Variants in POPDC1 observed in about 807,000 individuals in gnomAD.
POPDC1 encodes popeye domain-containing protein 1.
chr6:105,126,090 G>A, the POPDC1 span, among the ~76,000 whole-genome samples: 1 of 151,976 alleles, frequency 6.6e-6, no homozygotes, highest in Non-Finnish European at 1.5e-5. Flanking sequence ...GCTGGGCGTG[G>A]TGGCATGCAC....
the POPDC1 span, among the ~76,000 whole-genome samples, chr6:105,118,597 G>A: frequency 6.6e-6 from 1 of 152,078 alleles, no homozygotes; most frequent in Non-Finnish European, 1.5e-5. Flanking sequence ...GGAGAAGGAT[G>A]ATAATTAATA....
At chr6:105,126,333 G>A in the POPDC1 span, among the ~76,000 whole-genome samples, 7 of 151,920 alleles carry the variant, frequency 4.6e-5, no homozygotes, top group Non-Finnish European at 7.4e-5. Context: ...TTGGGAGGCT[G>A]AGGTGGGAGG....
the POPDC1 span, among the ~76,000 whole-genome samples, chr6:105,122,501 GTATAT>G: frequency 6.6e-6 from 1 of 152,154 alleles, no homozygotes; most frequent in Non-Finnish European, 1.5e-5. Context: ...AGAAAAGATA[GTATAT>G]TAGTATTTCT....
At chr6:105,101,249 C>A in the POPDC1 span, 1 of 1,578,656 alleles carries the variant, frequency 6.3e-7, no homozygotes, top group Non-Finnish European at 8.6e-7. Context: ...CCACTGAATG[C>A]ACAATCTACC....
At chr6:105,125,304 C>A in the POPDC1 span, 2 of 1,447,248 alleles carry the variant, frequency 1.4e-6, no homozygotes, top group South Asian at 1.2e-5. Context: ...CATTCATTGG[C>A]AACATTTCCT....
At chr6:105,118,264 C>T in the POPDC1 span, among the ~76,000 whole-genome samples, 48 of 152,260 alleles carry the variant, frequency 3.2e-4, no homozygotes, top group Admixed American at 1.2e-3. Flanking sequence ...ATGAAAAACC[C>T]AGCTTGTCTC....
the POPDC1 span, among the ~76,000 whole-genome samples, chr6:105,135,594 T>C: frequency 6.6e-6 from 1 of 152,130 alleles, no homozygotes; most frequent in Admixed American, 6.6e-5. Flanking sequence ...AAAGTACCAA[T>C]TTCTGGTCCA....
chr6:105,124,796 A>C, the POPDC1 span: 1 of 642,316 alleles, frequency 1.6e-6, no homozygotes, highest in African/African-American at 1.8e-5. Flanking sequence ...AACTAAAAGC[A>C]CTTCTTGAGG....
chr6:105,113,105 A>C, the POPDC1 span, among the ~76,000 whole-genome samples: 323 of 151,712 alleles, frequency 2.1e-3, 1 homozygote, highest in East Asian at 0.035. Flanking sequence ...TAATTTTTTT[A>C]ATTTTTTGTA....
the POPDC1 span, among the ~76,000 whole-genome samples, chr6:105,107,397 C>G: frequency 6.6e-6 from 1 of 152,130 alleles, no homozygotes; most frequent in Admixed American, 6.5e-5. Flanking sequence ...TACAGGAGAG[C>G]CTGAAGGCCT....
At chr6:105,115,770 T>C in the POPDC1 span, 3 of 1,614,160 alleles carry the variant, frequency 1.9e-6, no homozygotes, top group African/African-American at 1.3e-5. Context: ...CTGTTCCTCA[T>C]TTCCAACATG....
the POPDC1 span, chr6:105,115,746 T>C: frequency 6.2e-7 from 1 of 1,614,170 alleles, no homozygotes; most frequent in Non-Finnish European, 8.5e-7. Context: ...TCACTGTCAC[T>C]GGAGCTGGCT....
chr6:105,114,958 A>G, the POPDC1 span, among the ~76,000 whole-genome samples: 186 of 152,374 alleles, frequency 1.2e-3, 5 homozygotes, highest in East Asian at 0.028. Context: ...CCATTTAGTA[A>G]AACATTTCTG....
the POPDC1 span, among the ~76,000 whole-genome samples, chr6:105,121,174 T>C: frequency 2.6e-5 from 4 of 151,982 alleles, no homozygotes; most frequent in African/African-American, 7.3e-5. Context: ...CAGCATGAGA[T>C]AGAATACAAA....
chr6:105,107,764 T>C, the POPDC1 span, among the ~76,000 whole-genome samples: 2 of 152,194 alleles, frequency 1.3e-5, no homozygotes, highest in Non-Finnish European at 2.9e-5. Context: ...TTTAATTAGA[T>C]TGTACAATTT....
chr6:105,129,435 C>T, the POPDC1 span: 1 of 1,612,510 alleles, frequency 6.2e-7, no homozygotes, highest in East Asian at 2.2e-5. Flanking sequence ...CCCAAGAACA[C>T]AGAGTTCCAG....
the POPDC1 span, among the ~76,000 whole-genome samples, chr6:105,124,198 T>C: frequency 1.3e-5 from 2 of 151,962 alleles, no homozygotes; most frequent in Non-Finnish European, 2.9e-5. Context: ...CTGGCTAACA[T>C]GGTGAAACCC....
chr6:105,116,190 T>G, the POPDC1 span, among the ~76,000 whole-genome samples: 1 of 152,180 alleles, frequency 6.6e-6, no homozygotes, highest in South Asian at 2.1e-4. Context: ...AATTCTCTCT[T>G]GTAATCATTT....
chr6:105,124,406 A>G, the POPDC1 span: 17 of 555,108 alleles, frequency 3.1e-5, no homozygotes, highest in African/African-American at 3.4e-4. Flanking sequence ...AAAAAAAAAA[A>G]AAGAGACAAT....
Sources: allele counts gnomAD v4.1 joint callset (sites outside exome capture counted in the v4.1 genomes callset), GRCh38; gene constraint gnomAD v4.1.1; transcripts MANE v1.5; gene names NCBI Gene and HGNC (gene_info 2026-07-23, HGNC 2026-07-21).